Variants in LIG1 observed in about 807,000 individuals in gnomAD.
LIG1 encodes the protein DNA ligase 1, also known as ligase I, DNA, ATP-dependent.
In LIG1, 70 loss-of-function variants were observed where a neutral mutation model predicts 115.7. The observed-to-expected ratio is 0.60, with a 90% CI of 0.50 to 0.74. The LOEUF is 0.74. Ranked by LOEUF, LIG1 falls within the 30% of genes least tolerant of loss-of-function variation. LIG1 has a pLI of 0.00. For missense variants in LIG1, 1,115 were observed against 1,225.6 expected, an observed-to-expected ratio of 0.91 and a Z score of 1.35; for synonymous variants, 487 against 495.3, an observed-to-expected ratio of 0.98 and a Z score of 0.22.
Position 48,131,147 on chromosome 19 carries a change from C to G in LIG1, c.1750G>C (p.Val584Leu), listed in dbSNP as rs778290094. The change falls in exon 19 of 28, where the codon GTG (valine) becomes CTG (leucine). Residue 584 changes from valine (V) to leucine (L), a missense_variant. Coordinates refer to ENST00000263274, the MANE Select transcript of LIG1 (RefSeq NM_000234.3). ...AQIHALEGGE[V>L]KIFSRNQEDN... ...TCCTGATTCCTGCTGAAGATCTTCA[C>G]CTCCCCGCCTTCCAGGGCGTGGATC... 2 of 1,614,166 alleles carry G rather than the reference C, an allele frequency of 1.2e-6. No homozygotes were observed. Among genetic ancestry groups the G allele is most frequent in the Non-Finnish European group, 1.7e-6 (2 of 1,180,010 alleles).
intron 11 of LIG1, among the ~76,000 whole-genome samples, chr19:48,142,442 C>CAAAAAAAAAAAAAAAAAAAAAAAAAAAAA (rs561137392): frequency 9.3e-5 from 7 of 75,614 alleles, no homozygotes; most frequent in African/African-American, 1.5e-4. Flanking sequence ...GACTCCATCT[C>CAAAAAAAAAAAAAAAAAAAAAAAAAAAAA]AAAAAAAAAA....
intron 15 of LIG1, 40 bp from the exon 16 acceptor site, chr19:48,135,819 A>C: frequency 1.3e-6 from 2 of 1,540,710 alleles, no homozygotes; most frequent in Non-Finnish European, 1.8e-6. Context: ...AGGCACCCAC[A>C]TCCTTGGCTA....
chr19:48,164,496 G>T (rs999023940), intron 2 of LIG1, among the ~76,000 whole-genome samples: 3 of 152,198 alleles, frequency 2.0e-5, no homozygotes, highest in African/African-American at 7.2e-5. Context: ...GTGACCAGGG[G>T]TGGACACGTG....
chr19:48,166,259 C>T (rs868202183), intron 1 of LIG1, among the ~76,000 whole-genome samples: 21 of 151,954 alleles, frequency 1.4e-4, no homozygotes, highest in African/African-American at 4.8e-4. Context: ...TAGCCAGGTG[C>T]GGTGGCACGC....
At chr19:48,132,924 C>G (rs2034134309) in intron 18 of LIG1, 58 bp downstream of exon 18, 1 of 1,296,332 alleles carries the variant, frequency 7.7e-7, no homozygotes, top group Non-Finnish European at 1.1e-6. Flanking sequence ...AGTGACCCCA[C>G]ACCCCTGCTC....
intron 19 of LIG1, among the ~76,000 whole-genome samples, chr19:48,129,716 A>AG (rs1310968799): frequency 6.6e-6 from 1 of 152,116 alleles, no homozygotes; most frequent in Admixed American, 6.6e-5. Flanking sequence ...TGGACAGAGG[A>AG]GGGGGCCTTG....
In LIG1 at chr19:48,119,126, C is replaced by T. The variant is rs766503822; in HGVS notation, c.2439+11G>A. 2.1e-5 allele frequency: 33 copies of T among 1,573,164 alleles called. No homozygotes were observed. Among genetic ancestry groups the T allele is most frequent in the Non-Finnish European group, 2.6e-5 (30 of 1,159,226 alleles). On this transcript the variant is annotated intron_variant, in intron 25 of 27. Coordinates refer to ENST00000263274, the MANE Select transcript of LIG1 (RefSeq NM_000234.3). Reference sequence around the variant, plus strand: ...AGGGGTGGAGGCTGAGGCGCAGCCGCCATGGCTCACCTTGAGGCTCTGGTG... The same window carrying T: ...AGGGGTGGAGGCTGAGGCGCAGCCGTCATGGCTCACCTTGAGGCTCTGGTG...
intron 2 of LIG1, among the ~76,000 whole-genome samples, chr19:48,162,720 G>A (rs1471740027): frequency 3.3e-5 from 5 of 152,096 alleles, no homozygotes; most frequent in East Asian, 1.9e-4. Context: ...AAGCCACCGC[G>A]CCCGGCCGCA....
rs748118121 is a variant in LIG1 at position 48,162,328 on chromosome 19, T to G, written c.41A>C (p.Glu14Ala). ...SIMSFFHPKK[E>A]GKAKKPEKEA... is the part of the protein sequence containing the mutation. ...CTTCTCAGGCTTCTTTGCTTTACCC[T>G]CTTTCTTGGGGTGGAAAAATGACCT... Residue 14 changes from glutamate to alanine, a missense_variant, in exon 3 of 28, where the codon GAG becomes GCG. By Grantham distance (107) the Glu-to-Ala change is moderately radical. Coordinates refer to ENST00000263274, the MANE Select transcript of LIG1 (RefSeq NM_000234.3). 6.2e-7 allele frequency: 1 copy of G among 1,613,676 alleles called. No individual in the cohort carries two copies. The highest frequency in any genetic ancestry group is 2.2e-5 in the East Asian group (1 of 44,862).
intron 4 of LIG1, among the ~76,000 whole-genome samples, chr19:48,159,272 A>C (rs535530952): frequency 3.9e-5 from 6 of 152,046 alleles, no homozygotes; most frequent in Non-Finnish European, 8.8e-5. Flanking sequence ...AGGTTTCACT[A>C]TGTTGGCCTG....
At chr19:48,138,186 C>T (rs989104221) in intron 12 of LIG1, among the ~76,000 whole-genome samples, 1 of 152,048 alleles carries the variant, frequency 6.6e-6, no homozygotes, top group Non-Finnish European at 1.5e-5. Context: ...CCCATGGGCG[C>T]CTGGGTGTAA....
At chr19:48,131,217 T>C (rs2034003169) in intron 18 of LIG1, 46 bp from the exon 19 acceptor site, 2 of 1,443,762 alleles carry the variant, frequency 1.4e-6, no homozygotes, top group African/African-American at 1.4e-5. Context: ...AGTCCCCTCA[T>C]GTGGCCTCAG....
chr19:48,142,457 A>AAAAAAAAAAAAAAAAAAAAAC (rs71181650), intron 11 of LIG1, among the ~76,000 whole-genome samples: 4 of 148,046 alleles, frequency 2.7e-5, no homozygotes, highest in South Asian at 2.2e-4. Context: ...AAAAAAAAAA[A>AAAAAAAAAAAAAAAAAAAAAC]CAGAGTGCTG....
chr19:48,116,489 G>A (rs1486462041), intron 26 of LIG1, among the ~76,000 whole-genome samples: 2 of 150,280 alleles, frequency 1.3e-5, no homozygotes, highest in African/African-American at 2.5e-5. Flanking sequence ...CAGCCGTTAC[G>A]ATAATGACGG....
Position 48,133,262 on chromosome 19 carries a change from T to C in LIG1, c.1610-165A>G, listed in dbSNP as rs1262423336. The C allele has an allele frequency of 6.4e-6, 4 of 629,412 alleles. No homozygotes were observed. The East Asian group carries it at 8.2e-5, about 13-fold the overall frequency. The allele number at this position is 629,412 out of a possible 1,614,324, so 39.0% of individuals were successfully genotyped here. On this transcript the variant is annotated intron_variant, in intron 17 of 27. Coordinates refer to ENST00000263274, the MANE Select transcript of LIG1 (RefSeq NM_000234.3). ...GGGGACCTAGCCTCCCACTGGGGAC[T>C]ACAGCCCCCGGCCTTCCTTCCAGGT... is the stretch of plus-strand genomic sequence containing the variant.
chr19:48,139,856 C>T (rs948423971), intron 12 of LIG1, 115 bp downstream of exon 12: 3 of 1,245,800 alleles, frequency 2.4e-6, no homozygotes, highest in East Asian at 2.3e-5. Flanking sequence ...TCTCAGCCTT[C>T]TCCTCAACCC....
chr19:48,133,717 T>C (rs2034191894), intron 17 of LIG1, among the ~76,000 whole-genome samples: 1 of 152,104 alleles, frequency 6.6e-6, no homozygotes, highest in Non-Finnish European at 1.5e-5. Flanking sequence ...CACCTCAGCC[T>C]CCCGAGTAGC....
rs2034501580 is a variant in LIG1 at position 48,137,911 on chromosome 19, A to G, written c.1088-223T>C. ...CAGCAAACATGCACGTGGAGCCAGG[A>G]AAGCGGTGGATGAACGAGCATGACC... is the stretch of plus-strand genomic sequence containing the variant. On this transcript the variant is annotated intron_variant, in intron 12 of 27. Coordinates refer to ENST00000263274, the MANE Select transcript of LIG1 (RefSeq NM_000234.3). The surrounding 1 kb of genome is among the most constrained non-coding windows in gnomAD (Gnocchi z 4.3). 1.6e-6 allele frequency: 1 copy of G among 617,782 alleles called. No individual in the cohort carries two copies. Among genetic ancestry groups the G allele is most frequent in the Non-Finnish European group, 2.9e-6 (1 of 342,438 alleles). The allele number at this position is 617,782 out of a possible 1,614,324, so 38.3% of individuals were successfully genotyped here.
intron 25 of LIG1, 127 bp downstream of exon 25, chr19:48,119,010 C>T (rs551125223): frequency 1.1e-5 from 8 of 741,684 alleles, no homozygotes; most frequent in South Asian, 3.2e-5. Context: ...GCTCCACTGC[C>T]TGCTGCCCTC....
Sources: gnomAD v4.1 joint callset for allele counts (sites outside exome capture counted in the v4.1 genomes callset) on GRCh38, gnomAD v4.1.1 for gene constraint, Gnocchi (gnomAD v3.1) non-coding constraint, MANE v1.5 for transcripts, NCBI Gene and HGNC (gene_info 2026-07-23, HGNC 2026-07-21) for gene names.